ARHGAP8: variants seen among roughly 807,000 people sequenced by gnomAD.
ARHGAP8 encodes the protein rho GTPase-activating protein 8.
A neutral mutation model predicts 46.1 loss-of-function variants in ARHGAP8; 62 were observed. That is an observed-to-expected ratio of 1.34 (90% CI 1.10 to 1.66). ARHGAP8 has a LOEUF of 1.66. Ranked by LOEUF, ARHGAP8 falls within the 40% of genes most tolerant of loss-of-function variation. The pLI, the probability that ARHGAP8 is intolerant of heterozygous loss-of-function variation, is 0.00. For synonymous variants in ARHGAP8, 375 were observed against 243.1 expected, an observed-to-expected ratio of 1.54 and a Z score of -5.05; for missense variants, 923 against 568.4, an observed-to-expected ratio of 1.62 and a Z score of -6.34.
At chr22:44,762,813 G>A (rs1925243265) in intron 1 of ARHGAP8, among the ~76,000 whole-genome samples, 1 of 151,998 alleles carries the variant, frequency 6.6e-6, no homozygotes, top group Non-Finnish European at 1.5e-5. Context: ...CAAAGTGCTG[G>A]GATTACAGGC....
At chr22:44,858,672 G>C (rs1281863134) in intron 10 of ARHGAP8, among the ~76,000 whole-genome samples, 17 of 151,172 alleles carry the variant, frequency 1.1e-4, no homozygotes, top group Middle Eastern at 6.9e-3. Context: ...TGCCTGGCTG[G>C]TTGGTGGGTT....
chr22:44,753,012 C>T (rs115587401), intron 1 of ARHGAP8, among the ~76,000 whole-genome samples: 84 of 151,994 alleles, frequency 5.5e-4, no homozygotes, highest in African/African-American at 1.8e-3. Flanking sequence ...TGCTTCCGTC[C>T]TGGGGTCTCA....
chr22:44,825,581 T>C lies in ARHGAP8; in HGVS notation c.584T>C (p.Val195Ala). 5 of 1,612,658 alleles carry C rather than the reference T, an allele frequency of 3.1e-6. No individual in the cohort carries two copies. Among genetic ancestry groups the C allele is most frequent in the Non-Finnish European group, 3.4e-6 (4 of 1,179,646 alleles). ...CCGCTGCCCACACAGCAGTTTGGCG[T>C]CAGTCTGCAATAGTAAGTGAGCCGG... ...RPPLPTQQFG[V>A]SLQYLKDKNQ... Residue 195 changes from valine (V) to alanine (A), a missense_variant, in exon 7 of 12, where the codon GTC becomes GCC. Transcript: ENST00000356099.
intron 4 of ARHGAP8, 106 bp from the exon 5 acceptor site, chr22:44,814,566 G>A (rs1456908825): frequency 3.2e-6 from 3 of 928,856 alleles, no homozygotes; most frequent in Non-Finnish European, 5.0e-6. Context: ...GTTGAGAGGA[G>A]TAACATTCTG....
At chr22:44,838,985 A>G (rs917090884) in intron 7 of ARHGAP8, among the ~76,000 whole-genome samples, 3 of 152,190 alleles carry the variant, frequency 2.0e-5, no homozygotes, top group African/African-American at 7.2e-5. Flanking sequence ...CTGAAGCTGG[A>G]GAGGATAAGG....
chr22:44,845,382 G>A (rs766377766), intron 8 of ARHGAP8, 40 bp downstream of exon 8: 1 of 1,612,894 alleles, frequency 6.2e-7, no homozygotes, highest in South Asian at 1.1e-5. Flanking sequence ...CGTGAGGGCT[G>A]CTGGGTGCAC....
intron 1 of ARHGAP8, among the ~76,000 whole-genome samples, chr22:44,775,181 C>G (rs1477697881): frequency 6.6e-6 from 1 of 152,168 alleles, no homozygotes; most frequent in Non-Finnish European, 1.5e-5. Flanking sequence ...GTTTCCTGGG[C>G]AGCACAACAC....
At position 44,771,139 on chromosome 22, in the gene ARHGAP8, TAA is replaced by T. The variant is rs552956567; in HGVS notation, c.-71-15317_-71-15316del. ...AGAAATAGAATTGATTTTTGTATAT[TAA>T]GTTTTTTCCAAAACTTTGCTAATTT... On this transcript the variant is annotated intron_variant, in intron 1 of 11. Coordinates refer to ENST00000356099, the MANE Select transcript of ARHGAP8 (RefSeq NM_181335.3). Among the ~76,000 whole-genome samples the T allele has an allele frequency of 1.8e-4, 27 of 152,332 alleles. No individual in the cohort carries two copies. In the East Asian group the frequency reaches 5.2e-3, roughly 29 times the overall value.
chr22:44,792,816 T>G (rs946331091), intron 2 of ARHGAP8, among the ~76,000 whole-genome samples: 15 of 81,030 alleles, frequency 1.9e-4, no homozygotes, highest in South Asian at 5.2e-4. Context: ...TGGTGGTTTT[T>G]TTTGTTTTTT....
intron 8 of ARHGAP8, 51 bp downstream of exon 8, chr22:44,845,393 C>A (rs1474939522): frequency 6.2e-7 from 1 of 1,611,218 alleles, no homozygotes; most frequent in Admixed American, 1.7e-5. Context: ...CTGGGTGCAC[C>A]TCTCTGGGTG....
chr22:44,778,971 G>T (rs1926622310), intron 1 of ARHGAP8, among the ~76,000 whole-genome samples: 1 of 152,116 alleles, frequency 6.6e-6, no homozygotes. Flanking sequence ...GAACCAGGCA[G>T]CAGCTACCAT....
At chr22:44,842,597 C>A (rs1470898337) in intron 7 of ARHGAP8, among the ~76,000 whole-genome samples, 1 of 152,118 alleles carries the variant, frequency 6.6e-6, no homozygotes, top group African/African-American at 2.4e-5. Context: ...AGAGGAAAGT[C>A]CCTCATCCTA....
At chr22:44,757,382 A>G (rs567333528) in intron 1 of ARHGAP8, among the ~76,000 whole-genome samples, 2 of 151,738 alleles carry the variant, frequency 1.3e-5, no homozygotes, top group Non-Finnish European at 2.9e-5. Context: ...GGTTCAAGCT[A>G]TTCTCCTGCC....
Position 44,768,808 on chromosome 22 carries a change from T to A in ARHGAP8, c.-72+16181T>A, listed in dbSNP as rs1209503982. Reference sequence around the variant, plus strand: ...TGAGCTTCTTGGCTGAGGTGGTGGCTGCCAGAGTCCCTGTCGTGGAGGTGT... The same window carrying A: ...TGAGCTTCTTGGCTGAGGTGGTGGCAGCCAGAGTCCCTGTCGTGGAGGTGT... On this transcript the variant is annotated intron_variant, in intron 1 of 11. Coordinates refer to ENST00000356099, the MANE Select transcript of ARHGAP8 (RefSeq NM_181335.3). 2.0e-5 allele frequency among the ~76,000 whole-genome samples: 3 copies of A among 151,638 alleles called. No individual in the cohort carries two copies. The South Asian group carries it at 6.3e-4, about 32-fold the overall frequency.
intron 1 of ARHGAP8, among the ~76,000 whole-genome samples, chr22:44,777,760 A>G (rs112175890): frequency 3.0e-4 from 46 of 152,220 alleles, no homozygotes; most frequent in African/African-American, 9.6e-4. Context: ...TAATGGCACA[A>G]TCTTGGCTCA....
At chr22:44,809,289 T>TC (rs1569156344) in intron 4 of ARHGAP8, 2 of 434,908 alleles carry the variant, frequency 4.6e-6, no homozygotes, top group African/African-American at 2.1e-5. Context: ...TTTTTTTTTT[T>TC]CAACCACTTA....
intron 10 of ARHGAP8, among the ~76,000 whole-genome samples, chr22:44,853,115 T>G (rs2070137764): frequency 7.3e-6 from 1 of 137,918 alleles, no homozygotes; most frequent in Non-Finnish European, 1.5e-5. Flanking sequence ...ACTCCATTTT[T>G]TTAGTCAGGA....
chr22:44,754,669 C>A (rs529003302), intron 1 of ARHGAP8, among the ~76,000 whole-genome samples: 1 of 152,158 alleles, frequency 6.6e-6, no homozygotes, highest in African/African-American at 2.4e-5. Context: ...CCGGCCGAGT[C>A]ATTGAAACTT....
intron 5 of ARHGAP8, among the ~76,000 whole-genome samples, chr22:44,818,845 C>T (rs1371876823): frequency 6.6e-6 from 1 of 151,898 alleles, no homozygotes; most frequent in East Asian, 1.9e-4. Flanking sequence ...TACAGGTGCG[C>T]ACCACTGTGC....
Sources: gnomAD v4.1 joint callset for allele counts (sites outside exome capture counted in the v4.1 genomes callset) on GRCh38, gnomAD v4.1.1 for gene constraint, MANE v1.5 for transcripts, NCBI Gene and HGNC (gene_info 2026-07-23, HGNC 2026-07-21) for gene names.